HEMK2: variants seen among roughly 807,000 people sequenced by gnomAD.
HEMK2 encodes HemK methyltransferase 2, ETF1 glutamine and histone H4 lysine.
At chr21:28,638,402 G>A in the HEMK2 span, among the ~76,000 whole-genome samples, 1 of 152,174 alleles carries the variant, frequency 6.6e-6, no homozygotes, top group Non-Finnish European at 1.5e-5. Context: ...CATTGCCAGA[G>A]AGAAAACCAT....
the HEMK2 span, among the ~76,000 whole-genome samples, chr21:28,708,729 A>G: frequency 6.6e-6 from 1 of 152,230 alleles, no homozygotes; most frequent in Non-Finnish European, 1.5e-5. Flanking sequence ...TTTATTCAAA[A>G]CGGATTCATA....
the HEMK2 span, among the ~76,000 whole-genome samples, chr21:28,603,892 C>T: frequency 6.6e-6 from 1 of 152,154 alleles, no homozygotes; most frequent in Non-Finnish European, 1.5e-5. Context: ...CTGGTTGATT[C>T]CAGAGTGCAT....
At chr21:28,677,567 A>G in the HEMK2 span, among the ~76,000 whole-genome samples, 1 of 152,206 alleles carries the variant, frequency 6.6e-6, no homozygotes, top group African/African-American at 2.4e-5. Flanking sequence ...CCCAGCACGC[A>G]GCTGGAGATC....
the HEMK2 span, among the ~76,000 whole-genome samples, chr21:28,661,544 T>A: frequency 6.6e-6 from 1 of 152,066 alleles, no homozygotes; most frequent in African/African-American, 2.4e-5. Flanking sequence ...GCAATGAAAA[T>A]AACATATATA....
the HEMK2 span, among the ~76,000 whole-genome samples, chr21:28,597,797 G>T: frequency 3.1e-3 from 467 of 152,282 alleles, 3 homozygotes; most frequent in African/African-American, 0.011. Flanking sequence ...AGGGAGATGG[G>T]ATGAGGTTTT....
the HEMK2 span, among the ~76,000 whole-genome samples, chr21:28,871,193 C>T: frequency 7.2e-5 from 11 of 152,220 alleles, no homozygotes; most frequent in African/African-American, 2.6e-4. Flanking sequence ...TCTGTTCTCG[C>T]ATTGCTATAA....
the HEMK2 span, among the ~76,000 whole-genome samples, chr21:28,646,380 G>T: frequency 6.6e-6 from 1 of 152,176 alleles, no homozygotes; most frequent in Admixed American, 6.5e-5. Flanking sequence ...GGGAGAAGAG[G>T]ATATGAGGGG....
the HEMK2 span, among the ~76,000 whole-genome samples, chr21:28,647,173 T>C: frequency 6.6e-6 from 1 of 151,404 alleles, no homozygotes; most frequent in African/African-American, 2.4e-5. Flanking sequence ...CTAATACAAA[T>C]CCAAAAGGTG....
At chr21:28,740,553 G>A in the HEMK2 span, among the ~76,000 whole-genome samples, 1 of 152,154 alleles carries the variant, frequency 6.6e-6, no homozygotes, top group Admixed American at 6.5e-5. Flanking sequence ...GGATTTTTGT[G>A]GGAGAGAAAA....
At chr21:28,762,150 A>G in the HEMK2 span, among the ~76,000 whole-genome samples, 2 of 152,100 alleles carry the variant, frequency 1.3e-5, no homozygotes, top group Non-Finnish European at 2.9e-5. Context: ...ACAAGAAGAG[A>G]GGAATGCTGC....
chr21:28,805,205 T>C, the HEMK2 span, among the ~76,000 whole-genome samples: 1 of 152,320 alleles, frequency 6.6e-6, no homozygotes, highest in East Asian at 1.9e-4. Flanking sequence ...ACTTTATCAC[T>C]GGGCCATGCC....
chr21:28,756,628 C>A, the HEMK2 span, among the ~76,000 whole-genome samples: 1 of 152,180 alleles, frequency 6.6e-6, no homozygotes, highest in Non-Finnish European at 1.5e-5. Context: ...GTGCCTTTTG[C>A]CAGAGAGTTT....
At chr21:28,602,619 G>A in the HEMK2 span, among the ~76,000 whole-genome samples, 1 of 152,128 alleles carries the variant, frequency 6.6e-6, no homozygotes, top group Non-Finnish European at 1.5e-5. Flanking sequence ...ATAGCCTTCA[G>A]GAAACAAGGT....
At chr21:28,882,903 A>G in the HEMK2 span, 1 of 947,106 alleles carries the variant, frequency 1.1e-6, no homozygotes. Context: ...TAAGATACAT[A>G]CTGTCTCTTT....
chr21:28,588,982 CAAAA>C, the HEMK2 span, among the ~76,000 whole-genome samples: 2 of 107,312 alleles, frequency 1.9e-5, no homozygotes, highest in Admixed American at 9.4e-5. Flanking sequence ...GACACTGTCT[CAAAA>C]AAAAAAAAAA....
At chr21:28,820,185 T>G in the HEMK2 span, among the ~76,000 whole-genome samples, 2 of 152,118 alleles carry the variant, frequency 1.3e-5, no homozygotes, top group Non-Finnish European at 2.9e-5. Flanking sequence ...GATCAACAGA[T>G]TTTAGAAGAT....
At chr21:28,720,978 C>T in the HEMK2 span, among the ~76,000 whole-genome samples, 5 of 152,126 alleles carry the variant, frequency 3.3e-5, no homozygotes, top group Non-Finnish European at 7.4e-5. Context: ...TAGGATTTTA[C>T]ACTTAATGTT....
the HEMK2 span, among the ~76,000 whole-genome samples, chr21:28,617,418 A>C: frequency 6.6e-6 from 1 of 152,230 alleles, no homozygotes; most frequent in Non-Finnish European, 1.5e-5. Context: ...GAAGTCCCTT[A>C]ATGGTGTCAG....
chr21:28,643,431 A>G, the HEMK2 span, among the ~76,000 whole-genome samples: 3 of 147,480 alleles, frequency 2.0e-5, no homozygotes, highest in Admixed American at 6.8e-5. Context: ...CTGTAATTGC[A>G]CATCAAGAGA....
Sources: gnomAD v4.1 joint callset for allele counts (sites outside exome capture counted in the v4.1 genomes callset) on GRCh38, gnomAD v4.1.1 for gene constraint, MANE v1.5 for transcripts, NCBI Gene and HGNC (gene_info 2026-07-23, HGNC 2026-07-21) for gene names.